The following TEX11 variants were observed in gnomAD, a reference collection of about 807,000 sequenced individuals.
TEX11 encodes the protein testis expressed 11, also known as testis-expressed protein 11.
In TEX11, 7 loss-of-function variants were observed where a neutral mutation model predicts 84.4. The observed-to-expected ratio is 0.08, with a 90% confidence interval of 0.05 to 0.16. The LOEUF (loss-of-function observed/expected upper bound fraction) is 0.16. Among genes scored for constraint, TEX11 ranks in the 10% least tolerant of loss-of-function variants. TEX11 has a pLI of 1.00. For missense variants in TEX11, 551 were observed against 660.5 expected (o/e 0.83, Z 1.82); for synonymous variants, 264 against 222.8 (o/e 1.18, Z -1.64).
At chrX:70,710,986 T>G in intron 13 of TEX11, among the ~76,000 whole-genome samples, 1 of 107,932 alleles carries the variant, frequency 9.3e-6, no homozygotes, top group Non-Finnish European at 1.9e-5. Flanking sequence ...CCTCTTCCTG[T>G]GTCCATGTGT....
intron 13 of TEX11, among the ~76,000 whole-genome samples, chrX:70,716,856 C>T (rs374800996): frequency 3.6e-5 from 4 of 112,279 alleles, no homozygotes; most frequent in Middle Eastern, 4.6e-3. Context: ...AGAAATCATT[C>T]GTCTTCTGCG....
intron 21 of TEX11, 109 bp from the exon 22 acceptor site, chrX:70,609,286 C>T: frequency 1.5e-6 from 1 of 663,330 alleles, no homozygotes; most frequent in Non-Finnish European, 2.2e-6. Context: ...TTAGAAAGTT[C>T]TTTTTTGTGT....
At chrX:70,803,497 A>G (rs16991281) in intron 9 of TEX11, among the ~76,000 whole-genome samples, 2,247 of 112,101 alleles carry the variant, frequency 0.02, 54 homozygotes, top group African/African-American at 0.069. Context: ...CAAGGGAAAT[A>G]AATGAGCTTT....
intron 2 of TEX11, among the ~76,000 whole-genome samples, chrX:70,902,584 C>T (rs746629929): frequency 1.8e-5 from 2 of 111,451 alleles, no homozygotes; most frequent in East Asian, 5.6e-4. Context: ...TGCAGTGGTG[C>T]GATCTCGGCT....
chrX:70,806,823 A>G (rs767619200), intron 8 of TEX11, 33 bp from the exon 9 acceptor site: 1 of 1,029,594 alleles, frequency 9.7e-7, no homozygotes, highest in South Asian at 2.1e-5. Context: ...TAGATTCATG[A>G]TTTCCTTAAA....
intron 25 of TEX11, among the ~76,000 whole-genome samples, chrX:70,559,033 G>A (rs1429837422): frequency 2.7e-5 from 3 of 111,507 alleles, no homozygotes; most frequent in Non-Finnish European, 5.7e-5. Flanking sequence ...TTAAACATAG[G>A]GTTACCATAT....
intron 10 of TEX11, among the ~76,000 whole-genome samples, chrX:70,743,416 A>G (rs567040928): frequency 3.6e-5 from 4 of 112,245 alleles, no homozygotes; most frequent in African/African-American, 1.3e-4. Context: ...AATCAAATGG[A>G]TATTCAAAAG....
chrX:70,640,750 A>G (rs1227550305), intron 17 of TEX11, among the ~76,000 whole-genome samples: 1 of 110,536 alleles, frequency 9.0e-6, no homozygotes, highest in African/African-American at 3.3e-5. Context: ...GGCCTGCCCT[A>G]AAAGAGCTCC....
intron 15 of TEX11, 66 bp downstream of exon 15, chrX:70,678,738 A>G: frequency 2.3e-6 from 2 of 880,174 alleles, no homozygotes; most frequent in Non-Finnish European, 3.2e-6. Flanking sequence ...TTTTATTTTT[A>G]TAGTGAATGC....
chrX:70,554,322 C>A (rs1206259121), intron 26 of TEX11, among the ~76,000 whole-genome samples: 1 of 112,017 alleles, frequency 8.9e-6, no homozygotes, highest in Non-Finnish European at 1.9e-5. Context: ...TGAGCTCCCC[C>A]TGTTGTGTAG....
At chrX:70,698,273 T>C (rs748587370) in intron 13 of TEX11, among the ~76,000 whole-genome samples, 50 of 111,337 alleles carry the variant, frequency 4.5e-4, no homozygotes, top group Non-Finnish European at 7.7e-4. Flanking sequence ...TAGATTTTAT[T>C]CCATCTATCT....
intron 16 of TEX11, among the ~76,000 whole-genome samples, chrX:70,652,531 C>T (rs1049102567): frequency 1.8e-5 from 2 of 111,638 alleles, no homozygotes; most frequent in Non-Finnish European, 3.8e-5. Flanking sequence ...TGGGTTGATA[C>T]ACAGTGGTAC....
At chrX:70,681,900 T>G (rs1306592771) in intron 14 of TEX11, among the ~76,000 whole-genome samples, 10 of 111,810 alleles carry the variant, frequency 8.9e-5, no homozygotes, top group African/African-American at 3.2e-4. Context: ...ATGACTTTGT[T>G]TTTATAGAAA....
chrX:70,828,382 A>G (rs2091358470), intron 8 of TEX11, among the ~76,000 whole-genome samples: 3 of 110,536 alleles, frequency 2.7e-5, no homozygotes, highest in Admixed American at 9.7e-5. Flanking sequence ...GATAAATTTA[A>G]CAAAGAGACT....
intron 7 of TEX11, among the ~76,000 whole-genome samples, chrX:70,849,702 A>T (rs2091497197): frequency 8.9e-6 from 1 of 112,104 alleles, no homozygotes; most frequent in African/African-American, 3.2e-5. Flanking sequence ...GAAATGAAAA[A>T]TTAACTTAGA....
chrX:70,907,092 C>T (rs749901421), intron 2 of TEX11, among the ~76,000 whole-genome samples: 2 of 111,826 alleles, frequency 1.8e-5, no homozygotes, highest in South Asian at 7.3e-4. Flanking sequence ...ATAAAATGTA[C>T]TTAAGTCTAA....
chrX:70,740,698 T>C lies in TEX11; in HGVS notation c.843+3A>G. On this transcript the variant is annotated splice_donor_region_variant and intron_variant, in intron 11 of 29. Coordinates refer to ENST00000374333, the MANE Select transcript of TEX11 (RefSeq NM_031276.3). ...TTAGTATTCAAAAATACAAGCCCCA[T>C]ACCTTGTTTGCTAGGTTTACAGCAT... is the stretch of plus-strand genomic sequence containing the variant. 8.6e-7 allele frequency: 1 copy of C among 1,167,959 alleles called. No individual in the cohort carries two copies. Among genetic ancestry groups the C allele is most frequent in the Non-Finnish European group, 1.2e-6 (1 of 865,779 alleles).
chrX:70,849,248 C>T (rs749296820), intron 7 of TEX11, among the ~76,000 whole-genome samples: 2 of 111,985 alleles, frequency 1.8e-5, no homozygotes, highest in East Asian at 5.6e-4. Context: ...ATCTCTCAAA[C>T]TAGCTTATAA....
Position 70,900,202 on chromosome X carries a change from T to C in TEX11, c.37+7551A>G, listed in dbSNP as rs1187023603. Reference sequence around the variant, plus strand: ...AACAAAAAATTAATTAATTAATTAGTTAAAATAAAAATACAAAAATTAGCC... The same window carrying C: ...AACAAAAAATTAATTAATTAATTAGCTAAAATAAAAATACAAAAATTAGCC... On this transcript the variant is annotated intron_variant, in intron 2 of 29. Coordinates refer to ENST00000374333, the MANE Select transcript of TEX11 (RefSeq NM_031276.3). Among the ~76,000 whole-genome samples the C allele has an allele frequency of 6.0e-5, 6 of 100,436 alleles. No homozygotes were observed. The South Asian group carries it at 1.8e-3, about 30-fold the overall frequency. 87.2% of individuals were successfully genotyped at this position (100,436 alleles called of 115,157 possible). A position where few individuals can be genotyped will look rare whatever the true frequency, so the allele number is the denominator to read the frequency against.
Sources: gnomAD v4.1 joint callset for allele counts (sites outside exome capture counted in the v4.1 genomes callset) on GRCh38, gnomAD v4.1.1 for gene constraint, MANE v1.5 for transcripts, NCBI Gene and HGNC (gene_info 2026-07-23, HGNC 2026-07-21) for gene names.